The following AHCTF1 variants were observed in gnomAD, a reference collection of about 807,000 sequenced individuals.
The protein encoded by AHCTF1 is AT-hook containing transcription factor 1.
AHCTF1 carries 24 observed loss-of-function variants against 248.4 expected under a neutral mutation model. That is an observed-to-expected ratio of 0.10 (90% CI 0.07 to 0.14). The LOEUF is 0.14. Among genes scored for constraint, AHCTF1 ranks in the 10% least tolerant of loss-of-function variants. AHCTF1 has a pLI of 1.00. For synonymous variants in AHCTF1, 786 were observed against 929.8 expected (o/e 0.85, Z 2.81); for missense variants, 2,206 against 2,636.2 (o/e 0.84, Z 3.57).
In AHCTF1 at chr1:246,925,673, G is replaced by A. The variant is rs535486433; in HGVS notation, c.-8+5905C>T. Among the ~76,000 whole-genome samples the A allele has an allele frequency of 2.6e-5, 4 of 152,282 alleles. No individual in the cohort carries two copies. In the East Asian group the frequency reaches 7.7e-4, roughly 29 times the overall value. The stretch of plus-strand genomic sequence containing the variant: ...AACTGTCCCCTCCCAATCTCATACT[G>A]AAATGTGATCCCCAGTGTTGGAGGT... On this transcript the variant is annotated intron_variant, in intron 1 of 35. Transcript: ENST00000648844.
chr1:246,906,972 T>C (rs1378920297), intron 5 of AHCTF1, among the ~76,000 whole-genome samples: 1 of 152,182 alleles, frequency 6.6e-6, no homozygotes, highest in Non-Finnish European at 1.5e-5. Context: ...CAGCCATGTG[T>C]CACTTAACAA....
At chr1:246,918,520 A>G (rs1308436407) in intron 1 of AHCTF1, 143 bp from the exon 2 acceptor site, 2 of 826,922 alleles carry the variant, frequency 2.4e-6, no homozygotes, top group East Asian at 6.2e-5. Context: ...TATTGGCCAG[A>G]TGCGGAGGCT....
chr1:246,853,766 G>GTGTT (rs1196983653), intron 31 of AHCTF1, among the ~76,000 whole-genome samples: 16 of 152,080 alleles, frequency 1.1e-4, no homozygotes, highest in African/African-American at 3.9e-4. Flanking sequence ...AAATCCTTTA[G>GTGTT]TGTTTAACAA....
intron 24 of AHCTF1, among the ~76,000 whole-genome samples, chr1:246,875,380 A>T (rs996636222): frequency 1.3e-5 from 2 of 152,336 alleles, no homozygotes. Flanking sequence ...AATAATAAAA[A>T]GTCCGATTGA....
chr1:246,868,945 C>G (rs12409091), intron 24 of AHCTF1, among the ~76,000 whole-genome samples: 7 of 150,072 alleles, frequency 4.7e-5, no homozygotes, highest in South Asian at 2.1e-4. Flanking sequence ...CCCGGGTTCA[C>G]GCCATTCTCC....
At chr1:246,931,471 C>T in intron 1 of AHCTF1, 107 bp downstream of exon 1, 6 of 953,976 alleles carry the variant, frequency 6.3e-6, no homozygotes, top group Non-Finnish European at 7.7e-6. Flanking sequence ...GCTCGCGGGG[C>T]AGAAGCCCCG....
At position 246,850,172 on chromosome 1, in the gene AHCTF1, G is replaced by T. The variant is rs1295097975; in HGVS notation, c.5834C>A (p.Pro1945Gln). 6.2e-7 allele frequency: 1 copy of T among 1,613,886 alleles called. No homozygotes were observed. The highest frequency in any genetic ancestry group is 8.5e-7 in the Non-Finnish European group (1 of 1,179,858). The part of the protein sequence containing the change: ...VRRVRGREVS[P>Q]SDVREDSNLE... ...GTTGGAGTCTTCTCTCACATCTGAT[G>T]GACTAACTTCTCTCCCTCTGACCCT... Residue 1945 changes from proline (P) to glutamine (Q), a missense_variant, in exon 33 of 36, where the codon CCA becomes CAA. By Grantham distance (76) the Pro-to-Gln change is moderately conservative (BLOSUM62 -1). Around this residue, in one of 6 missense-constraint regions of AHCTF1, gnomAD observed 469 missense variants for 470.0 expected, o/e 1.00. Transcript: ENST00000648844.
At chr1:246,848,952 T>C (rs1660491802) in intron 33 of AHCTF1, among the ~76,000 whole-genome samples, 1 of 152,218 alleles carries the variant, frequency 6.6e-6, no homozygotes, top group Non-Finnish European at 1.5e-5. Context: ...GTGTCTTAAC[T>C]TTTTAGACAT....
chr1:246,878,610 A>G (rs569749711), intron 21 of AHCTF1, among the ~76,000 whole-genome samples: 2 of 152,320 alleles, frequency 1.3e-5, no homozygotes, highest in East Asian at 3.9e-4. Context: ...TACACTAAGA[A>G]TGGTAATGAT....
chr1:246,868,938 G>T (rs188662158), intron 24 of AHCTF1, among the ~76,000 whole-genome samples: 1 of 149,168 alleles, frequency 6.7e-6, no homozygotes, highest in Admixed American at 6.7e-5. Context: ...TCTGCCTCCC[G>T]GGTTCACGCC....
rs1666152815 is a variant in AHCTF1, at chr1:246,916,447, C to A, written c.122-52G>T. 2.0e-6 allele frequency: 3 copies of A among 1,500,014 alleles called. No individual in the cohort carries two copies. In the East Asian group the frequency reaches 6.8e-5, roughly 34 times the overall value. 92.9% of individuals were successfully genotyped at this position (1,500,014 alleles called of 1,614,324 possible). A position where few individuals can be genotyped will look rare whatever the true frequency, so the allele number is the denominator to read the frequency against. On this transcript the variant is annotated intron_variant, in intron 2 of 35. Transcript: ENST00000648844. ...TAATATTGTATATACACAAAACATG[C>A]AATAACGGTTAGCTCATTTACATAC...
At chr1:246,895,949 A>G in intron 12 of AHCTF1, 24 bp from the exon 13 acceptor site, 1 of 1,573,552 alleles carries the variant, frequency 6.4e-7, no homozygotes, top group South Asian at 1.2e-5. Context: ...TACAGAAAGG[A>G]AAGAAATGGA....
At chr1:246,881,272 C>T (rs2103115826) in intron 21 of AHCTF1, among the ~76,000 whole-genome samples, 1 of 152,216 alleles carries the variant, frequency 6.6e-6, no homozygotes, top group South Asian at 2.1e-4. Context: ...AATTAAAACT[C>T]TTATGTACCT....
At chr1:246,899,097 G>C (rs1664813627) in intron 11 of AHCTF1, among the ~76,000 whole-genome samples, 1 of 152,082 alleles carries the variant, frequency 6.6e-6, no homozygotes. Context: ...CTCAAAAAGA[G>C]AAAAGTATTT....
In AHCTF1 at chr1:246,839,526, C is replaced by G. The variant is rs1344088892; in HGVS notation, c.*1280G>C. The G allele has an allele frequency of 2.0e-4, 201 of 985,712 alleles. No homozygotes were observed. The highest frequency in any genetic ancestry group is 2.4e-4 in the Non-Finnish European group (198 of 829,926). 61.1% of individuals were successfully genotyped at this position (985,712 alleles called of 1,614,324 possible). On this transcript the variant is annotated 3_prime_UTR_variant, in exon 36 of 36. Transcript: ENST00000648844. ...CAACAAGGCAGCGTAACATCCATCA[C>G]TAACCTGACTAAAAGGCCGCACTCG...
chr1:246,853,012 GATTTGAACTACTGTGTCTT>G (rs1204166348), intron 32 of AHCTF1, 60 bp downstream of exon 32: 11 of 1,043,814 alleles, frequency 1.1e-5, no homozygotes, highest in Non-Finnish European at 1.5e-5. Flanking sequence ...GAACGTGTTA[GATTTGAACTACTGTGTCTT>G]GAAACAACTA....
At chr1:246,931,081 T>C (rs1558292161) in intron 1 of AHCTF1, 2 of 1,544,544 alleles carry the variant, frequency 1.3e-6, no homozygotes, top group Non-Finnish European at 1.7e-6. Flanking sequence ...AGCTGGAACC[T>C]CACGGCTGAG....
intron 11 of AHCTF1, 121 bp downstream of exon 11, chr1:246,899,330 A>C: frequency 1.4e-6 from 1 of 733,640 alleles, no homozygotes; most frequent in Non-Finnish European, 2.2e-6. Context: ...TAAACCTAGC[A>C]GAAGCTACCA....
chr1:246,872,049 G>A (rs189899676), intron 24 of AHCTF1, among the ~76,000 whole-genome samples: 174 of 45,098 alleles, frequency 3.9e-3, no homozygotes, highest in Admixed American at 0.013. Flanking sequence ...AACTATTAAT[G>A]ACAAAAAAAA....
Sources: gnomAD v4.1 joint callset for allele counts (sites outside exome capture counted in the v4.1 genomes callset) on GRCh38, gnomAD v4.1.1 for gene constraint, gnomAD v4.1.1 regional missense constraint, MANE v1.5 for transcripts, NCBI Gene and HGNC (gene_info 2026-07-23, HGNC 2026-07-21) for gene names.